Variants in CAMTA1 observed in about 807,000 individuals in gnomAD.
The protein encoded by CAMTA1 is calmodulin binding transcription activator 1, also known as calmodulin-binding transcription activator 1.
CAMTA1 carries 27 observed loss-of-function variants against 170.9 expected under a neutral mutation model. The observed-to-expected ratio is 0.16, with a 90% CI of 0.12 to 0.22. The LOEUF is 0.22. Among genes scored for constraint, CAMTA1 ranks in the 10% least tolerant of loss-of-function variants. The pLI, the probability that CAMTA1 is intolerant of heterozygous loss-of-function variation, is 1.00. For synonymous variants in CAMTA1, 833 were observed against 891.5 expected (o/e 0.93, Z 1.17); for missense variants, 1,619 against 2,217.2 (o/e 0.73, Z 5.42).
chr1:7,127,711 A>G (rs1397110890), intron 4 of CAMTA1, among the ~76,000 whole-genome samples: 1 of 152,200 alleles, frequency 6.6e-6, no homozygotes, highest in Non-Finnish European at 1.5e-5. Context: ...TTAATGCTTG[A>G]CTATTAATTC....
intron 6 of CAMTA1, among the ~76,000 whole-genome samples, chr1:7,518,193 CTG>C (rs1265955320): frequency 6.6e-6 from 1 of 152,002 alleles, no homozygotes; most frequent in Non-Finnish European, 1.5e-5. Flanking sequence ...TGCTTGGAGA[CTG>C]TGTCTTACAC....
intron 5 of CAMTA1, among the ~76,000 whole-genome samples, chr1:7,352,851 C>T (rs1013862226): frequency 1.3e-5 from 2 of 152,218 alleles, no homozygotes; most frequent in African/African-American, 4.8e-5. Context: ...AGGGAAGAGC[C>T]AGGGAGCTGG....
chr1:7,637,070 C>A (rs934717875), intron 6 of CAMTA1, among the ~76,000 whole-genome samples: 1 of 152,242 alleles, frequency 6.6e-6, no homozygotes, highest in Admixed American at 6.5e-5. Context: ...CTGAGGCCTG[C>A]AGGCAGAGCT....
At chr1:7,471,643 C>A (rs1371726091) in intron 6 of CAMTA1, among the ~76,000 whole-genome samples, 3 of 152,256 alleles carry the variant, frequency 2.0e-5, no homozygotes, top group Non-Finnish European at 4.4e-5. Context: ...GAGGAGCAGG[C>A]AGTGCTCCGT....
At chr1:7,057,308 C>A (rs1707494133) in intron 3 of CAMTA1, among the ~76,000 whole-genome samples, 1 of 152,222 alleles carries the variant, frequency 6.6e-6, no homozygotes, top group Admixed American at 6.5e-5. Flanking sequence ...TGCACAGGAG[C>A]AGCCCTGGGA....
At chr1:7,353,868 A>T (rs2084892203) in intron 5 of CAMTA1, among the ~76,000 whole-genome samples, 1 of 152,170 alleles carries the variant, frequency 6.6e-6, no homozygotes, top group African/African-American at 2.4e-5. Flanking sequence ...GGTAGTGAGC[A>T]TAGTACCTAA....
intron 3 of CAMTA1, among the ~76,000 whole-genome samples, chr1:7,015,651 T>A (rs1339916628): frequency 6.6e-6 from 1 of 152,186 alleles, no homozygotes; most frequent in Non-Finnish European, 1.5e-5. Context: ...CTGCAGTGTA[T>A]TCGTCTGTTT....
chr1:6,870,232 A>T (rs777909922), intron 3 of CAMTA1, among the ~76,000 whole-genome samples: 8 of 152,184 alleles, frequency 5.3e-5, no homozygotes, highest in Non-Finnish European at 1.2e-4. Flanking sequence ...TTCCTTCTGC[A>T]GTGTTCAAAA....
At chr1:6,961,357 G>C (rs915389039) in intron 3 of CAMTA1, among the ~76,000 whole-genome samples, 3 of 152,186 alleles carry the variant, frequency 2.0e-5, no homozygotes, top group African/African-American at 7.2e-5. Flanking sequence ...AGACTTGCTG[G>C]GATGAGCTCT....
chr1:7,475,003 C>T (rs370426685), intron 6 of CAMTA1, among the ~76,000 whole-genome samples: 2 of 152,206 alleles, frequency 1.3e-5, no homozygotes, highest in East Asian at 1.9e-4. Context: ...CCCCTCAGCC[C>T]GTGGCCTCCT....
rs976627257 is a variant in CAMTA1, at chr1:7,610,001, T to C, written c.511-30399T>C. Among the ~76,000 whole-genome samples, 6 of 152,322 alleles carry C rather than the reference T, an allele frequency of 3.9e-5. No individual in the cohort carries two copies. In the East Asian group the frequency reaches 7.7e-4, roughly 20 times the overall value. ...CAGCACCTGCCGGGTCTGTCCACAC[T>C]GTGTGTGCACTCACAGGAGGGAGCT... On this transcript the variant is annotated intron_variant, in intron 6 of 22. Coordinates refer to ENST00000303635, the MANE Select transcript of CAMTA1 (RefSeq NM_015215.4).
intron 3 of CAMTA1, among the ~76,000 whole-genome samples, chr1:6,991,870 T>C (rs1307429056): frequency 1.3e-5 from 2 of 152,090 alleles, no homozygotes; most frequent in Non-Finnish European, 2.9e-5. Flanking sequence ...GGCTATTTTT[T>C]TTTGTATTTT....
At chr1:7,550,125 G>A (rs2094778913) in intron 6 of CAMTA1, among the ~76,000 whole-genome samples, 2 of 152,108 alleles carry the variant, frequency 1.3e-5, no homozygotes, top group Non-Finnish European at 2.9e-5. Context: ...GGGCTGGAGT[G>A]AGGCTAAGGG....
intron 3 of CAMTA1, among the ~76,000 whole-genome samples, chr1:6,925,848 G>A (rs2412220): frequency 0.071 from 10,881 of 152,266 alleles, 784 homozygotes; most frequent in Admixed American, 0.25. Context: ...TAAGCTGTCC[G>A]CTGGCTGATC....
At chr1:7,388,211 T>TGC in intron 5 of CAMTA1, 1 of 152,396 alleles carries the variant, frequency 6.6e-6, no homozygotes, top group South Asian at 2.1e-4. Context: ...TAATGGATGG[T>TGC]GCTGCACCTG....
chr1:6,880,391 T>C lies in CAMTA1; in HGVS notation c.234+55181T>C, dbSNP rs991730059. Among the ~76,000 whole-genome samples the C allele has an allele frequency of 2.6e-3, 372 of 145,084 alleles. 1 individual carries two copies. The highest frequency in any genetic ancestry group is 9.4e-3 in the African/African-American group (358 of 38,114). ...GCCCAGCCTCTAAAAGTGTTTTTTTTTTTTTTTTTTTTTTTTGAGACAGGG... is the reference window on the plus strand; with the variant it reads ...GCCCAGCCTCTAAAAGTGTTTTTTTCTTTTTTTTTTTTTTTTGAGACAGGG... On this transcript the variant is annotated intron_variant, in intron 3 of 22. Coordinates refer to ENST00000303635, the MANE Select transcript of CAMTA1 (RefSeq NM_015215.4).
chr1:7,270,643 A>G (rs1669665057), intron 5 of CAMTA1, among the ~76,000 whole-genome samples: 1 of 152,142 alleles, frequency 6.6e-6, no homozygotes, highest in East Asian at 1.9e-4. Flanking sequence ...AAAATGTTAC[A>G]GGATGAAAAT....
In CAMTA1 at chr1:7,441,903, G is replaced by A. The variant is rs369059933; in HGVS notation, c.439-25927G>A. Among the ~76,000 whole-genome samples the A allele has an allele frequency of 4.6e-5, 7 of 152,284 alleles. No homozygotes were observed. In the East Asian group the frequency reaches 5.8e-4, roughly 13 times the overall value. ...GGGTTCTGCCTCCCCTGCCCAAAGCGTAGGCGCAGACTCTGGGTGGAATCA... is the reference window on the plus strand; with the variant it reads ...GGGTTCTGCCTCCCCTGCCCAAAGCATAGGCGCAGACTCTGGGTGGAATCA... On this transcript the variant is annotated intron_variant, in intron 5 of 22. Transcript: ENST00000303635.
intron 6 of CAMTA1, among the ~76,000 whole-genome samples, chr1:7,527,409 G>A (rs534813012): frequency 2.6e-5 from 4 of 152,308 alleles, no homozygotes; most frequent in South Asian, 4.1e-4. Context: ...GACAAGCAGC[G>A]CCAGGTCAAC....
Sources: gnomAD v4.1 joint callset for allele counts (sites outside exome capture counted in the v4.1 genomes callset) on GRCh38, gnomAD v4.1.1 for gene constraint, MANE v1.5 for transcripts, NCBI Gene and HGNC (gene_info 2026-07-23, HGNC 2026-07-21) for gene names.